Variants in MMS19 observed in about 807,000 individuals in gnomAD.
MMS19 encodes MMS19 nucleotide excision repair protein homolog.
A neutral mutation model predicts 129.8 loss-of-function variants in MMS19; 77 were observed. That is an observed-to-expected ratio of 0.59 (90% CI 0.49 to 0.72). The LOEUF is 0.72. Ranked by LOEUF, MMS19 falls within the 30% of genes least tolerant of loss-of-function variation. The pLI is 0.00. For missense variants in MMS19, 1,168 were observed against 1,266.3 expected (o/e 0.92, Z 1.18); for synonymous variants, 491 against 502.8 (o/e 0.98, Z 0.31).
At chr10:97,480,287 GC>G (rs774202505) in intron 3 of MMS19, 5 of 463,694 alleles carry the variant, frequency 1.1e-5, no homozygotes, top group South Asian at 6.2e-5. Context: ...TGGCTTTGGA[GC>G]CCCGCTCTGT....
Position 97,462,011 on chromosome 10 carries a change from T to C in MMS19, c.2115+6A>G, listed in dbSNP as rs1289895961. ...GCTTGAAGGATGTAAGTTCTAAGAC[T>C]GTTACCTGGAATGGCTGGAATCTGC... On this transcript the variant is annotated splice_donor_region_variant and intron_variant, in intron 21 of 30. Transcript: ENST00000438925. 3 of 1,583,974 alleles carry C rather than the reference T, an allele frequency of 1.9e-6. No homozygotes were observed. The highest frequency in any genetic ancestry group is 1.8e-5 in the Admixed American group (1 of 55,128).
At chr10:97,497,640 G>A (rs1008815877) in intron 1 of MMS19, among the ~76,000 whole-genome samples, 1 of 152,092 alleles carries the variant, frequency 6.6e-6, no homozygotes, top group African/African-American at 2.4e-5. Flanking sequence ...GTCAAAAGCA[G>A]GAAAGTGGGG....
At chr10:97,470,052 A>G (rs1462586500) in intron 10 of MMS19, 77 bp downstream of exon 10, 16 of 1,029,982 alleles carry the variant, frequency 1.6e-5, no homozygotes, top group East Asian at 2.6e-5. Flanking sequence ...TTCCTTGGCT[A>G]TCCTAGAATC....
Position 97,459,481 on chromosome 10 carries a change from C to A in MMS19, c.2785G>T (p.Val929Leu), listed in dbSNP as rs1269913183. 6.2e-7 allele frequency: 1 copy of A among 1,613,184 alleles called. No homozygotes were observed. The highest frequency in any genetic ancestry group is 8.5e-7 in the Non-Finnish European group (1 of 1,179,606). Reference protein sequence around the residue: ...LEALSCPDCVVQLSTLSCLQP... With the variant: ...LEALSCPDCVLQLSTLSCLQP... ...AGGCAGCTGAGGGTGGAGAGCTGCA[C>A]CACACAGTCAGGGCAGGACAGGGCC... The change falls in exon 28 of 31, where the codon GTG (valine) becomes TTG (leucine). Residue 929 changes from valine (V) to leucine (L), a missense_variant. This residue lies in a region of MMS19 where 831 missense variants were observed against 910.8 expected (regional missense o/e 0.91). Transcript: ENST00000438925.
chr10:97,463,047 A>G (rs377691509), intron 19 of MMS19: 3 of 241,570 alleles, frequency 1.2e-5, no homozygotes, highest in East Asian at 2.2e-4. Context: ...TTAAAAACAT[A>G]GATTTATCTT....
At chr10:97,459,603 C>T (rs1047762630) in intron 27 of MMS19, 56 bp downstream of exon 27, 1 of 1,598,958 alleles carries the variant, frequency 6.3e-7, no homozygotes, top group African/African-American at 1.3e-5. Context: ...TTTCTAGCCC[C>T]ATCTGGGGAA....
chr10:97,460,551 G>A (rs2031500972), intron 25 of MMS19, 144 bp downstream of exon 25: 2 of 737,304 alleles, frequency 2.7e-6, no homozygotes, highest in Admixed American at 2.4e-5. Flanking sequence ...CAGCCTGGGT[G>A]ACAGAGTAAG....
At chr10:97,480,015 G>T (rs1015302100) in intron 3 of MMS19, among the ~76,000 whole-genome samples, 1 of 152,154 alleles carries the variant, frequency 6.6e-6, no homozygotes, top group Non-Finnish European at 1.5e-5. Flanking sequence ...CAAATATGGC[G>T]ATTCCCATGG....
In MMS19 at chr10:97,476,818, T is replaced by C. The variant is rs372330139; in HGVS notation, c.622+17A>G. 16 of 1,613,824 alleles carry C rather than the reference T, an allele frequency of 9.9e-6. No homozygotes were observed. The highest frequency in any genetic ancestry group is 1.6e-4 in the Middle Eastern group (1 of 6,084). On this transcript the variant is annotated intron_variant, in intron 7 of 30. Transcript: ENST00000438925. Reference sequence around the variant, plus strand: ...TGATAAAGCTCCAATGAGCTAATCATGGCTACCACGATATACCCAGGCTAT... The same window carrying C: ...TGATAAAGCTCCAATGAGCTAATCACGGCTACCACGATATACCCAGGCTAT...
chr10:97,490,703 T>C (rs1001498443), intron 1 of MMS19, among the ~76,000 whole-genome samples: 1 of 152,216 alleles, frequency 6.6e-6, no homozygotes, highest in African/African-American at 2.4e-5. Context: ...GCAACAGTTA[T>C]GAGCTGACCT....
At chr10:97,475,629 T>C (rs550908353) in intron 8 of MMS19, among the ~76,000 whole-genome samples, 5 of 152,228 alleles carry the variant, frequency 3.3e-5, no homozygotes, top group East Asian at 1.9e-4. Flanking sequence ...TCCCAGCTAC[T>C]TGGGAGGCCG....
At chr10:97,479,355 G>C (rs991805748) in intron 3 of MMS19, among the ~76,000 whole-genome samples, 1 of 152,040 alleles carries the variant, frequency 6.6e-6, no homozygotes, top group African/African-American at 2.4e-5. Context: ...ACCTCACATT[G>C]ACACGCCATT....
chr10:97,475,877 T>A (rs1488035697), intron 8 of MMS19, among the ~76,000 whole-genome samples: 1 of 152,210 alleles, frequency 6.6e-6, no homozygotes, highest in South Asian at 2.1e-4. Flanking sequence ...GAATTCTGAT[T>A]ATGAAAGAGA....
chr10:97,474,209 A>C (rs181084767), intron 8 of MMS19, among the ~76,000 whole-genome samples: 8 of 152,064 alleles, frequency 5.3e-5, no homozygotes, highest in Admixed American at 4.6e-4. Flanking sequence ...TAGTGAAGAA[A>C]CTGAACCTTA....
In MMS19 at chr10:97,492,073, G is replaced by C. The variant is rs191910893; in HGVS notation, c.112+6200C>G. Among the ~76,000 whole-genome samples the C allele has an allele frequency of 1.6e-3, 235 of 146,964 alleles. 1 individual carries two copies. Among genetic ancestry groups the C allele is most frequent in the African/African-American group, 5.7e-3 (226 of 39,898 alleles). On this transcript the variant is annotated intron_variant, in intron 1 of 30. Coordinates refer to ENST00000438925, the MANE Select transcript of MMS19 (RefSeq NM_022362.5). ...GAATCACCTGAACCTGGGAGGCAGAGTTTGCAATGAGCTGAGATCATGCCA... is the reference window on the plus strand; with the variant it reads ...GAATCACCTGAACCTGGGAGGCAGACTTTGCAATGAGCTGAGATCATGCCA...
chr10:97,485,294 A>G (rs2037622512), intron 1 of MMS19, among the ~76,000 whole-genome samples: 1 of 151,648 alleles, frequency 6.6e-6, no homozygotes, highest in Non-Finnish European at 1.5e-5. Flanking sequence ...ACGCCTGGCT[A>G]ATTTTTGTAT....
chr10:97,466,926 T>C (rs1292179133), intron 14 of MMS19, 25 bp from the exon 15 acceptor site: 3 of 1,613,054 alleles, frequency 1.9e-6, no homozygotes, highest in South Asian at 2.2e-5. Context: ...GAGGCCAGGT[T>C]AGAAGGAAGC....
At chr10:97,498,703 G>T (rs1338271074), upstream of MMS19, 1 of 386,254 alleles carries the variant, frequency 2.6e-6, no homozygotes, top group Non-Finnish European at 4.7e-6. Context: ...CACCACGGGG[G>T]AAGCCAATGA....
intron 8 of MMS19, among the ~76,000 whole-genome samples, 187 bp downstream of exon 8, chr10:97,476,496 A>G (rs943035747): frequency 1.2e-4 from 19 of 152,206 alleles, no homozygotes; most frequent in Admixed American, 2.0e-4. Flanking sequence ...AATTCCCCCC[A>G]ATACATGCTG....
Sources: gnomAD v4.1 joint callset for allele counts (sites outside exome capture counted in the v4.1 genomes callset) on GRCh38, gnomAD v4.1.1 for gene constraint, gnomAD v4.1.1 regional missense constraint, MANE v1.5 for transcripts, NCBI Gene and HGNC (gene_info 2026-07-23, HGNC 2026-07-21) for gene names.